TULP3: variants seen among roughly 807,000 people sequenced by gnomAD.
The protein encoded by TULP3 is tubby-related protein 3.
TULP3 carries 38 observed loss-of-function variants against 50.7 expected under a neutral mutation model. The observed-to-expected ratio is 0.75, with a 90% CI of 0.58 to 0.98. The LOEUF is 0.98. Among genes scored for constraint, TULP3 ranks in the 50% least tolerant of loss-of-function variants. The probability of loss-of-function intolerance (pLI) is 0.00; values close to 1 mark genes in which losing one functional copy is unlikely to be tolerated. For missense variants in TULP3, 550 were observed against 568.0 expected, an observed-to-expected ratio of 0.97 and a Z score of 0.32; for synonymous variants, 183 against 196.6, an observed-to-expected ratio of 0.93 and a Z score of 0.58.
intron 2 of TULP3, among the ~76,000 whole-genome samples, chr12:2,915,298 A>G (rs568497122): frequency 2.6e-5 from 4 of 151,552 alleles, no homozygotes; most frequent in Non-Finnish European, 5.9e-5. Flanking sequence ...CCCAGAATGG[A>G]TTTTCTGATT....
At chr12:2,891,283 G>A (rs1273133539) in intron 1 of TULP3, among the ~76,000 whole-genome samples, 3 of 152,178 alleles carry the variant, frequency 2.0e-5, no homozygotes, top group African/African-American at 7.2e-5. Context: ...GCCCCTCTGG[G>A]CCTCGGGTTT....
rs1232844187 is a variant in TULP3 at position 2,896,918 on chromosome 12, CA to C, written c.41+5931del. On this transcript the variant is annotated intron_variant, in intron 1 of 10. Transcript: ENST00000448120. ...TATATTTAATATAATTCCTGGCAGG[CA>C]GTATTAAATATTCACTAAGTAGAAC... 9.2e-5 allele frequency among the ~76,000 whole-genome samples: 14 copies of C among 152,238 alleles called. No homozygotes were observed. In the South Asian group the frequency reaches 2.9e-3, roughly 32 times the overall value.
Position 2,931,179 on chromosome 12 carries a change from G to A in TULP3, c.635G>A (p.Gly212Glu), listed in dbSNP as rs2098197834. ...TGTCGGATAATCCGGGATAAAAGGG[G>A]AATGGATCGGGGTCTCTTCCCCACC... ...VRCRIIRDKR[G>E]MDRGLFPTYY... Residue 212 changes from glycine to glutamate, a missense_variant, in exon 6 of 11, where the codon GGA becomes GAA. By Grantham distance (98) the Gly-to-Glu change is moderately conservative. Transcript: ENST00000448120. 6.2e-7 allele frequency: 1 copy of A among 1,614,206 alleles called. No individual in the cohort carries two copies. Among genetic ancestry groups the A allele is most frequent in the Non-Finnish European group, 8.5e-7 (1 of 1,180,038 alleles).
chr12:2,929,626 T>C (rs950432679), intron 4 of TULP3, among the ~76,000 whole-genome samples: 2 of 151,956 alleles, frequency 1.3e-5, no homozygotes, highest in Non-Finnish European at 2.9e-5. Flanking sequence ...ACAGAGTCTC[T>C]GTCTCCCAGG....
chr12:2,922,548 T>A, intron 4 of TULP3, 146 bp downstream of exon 4: 1 of 968,370 alleles, frequency 1.0e-6, no homozygotes, highest in South Asian at 1.9e-5. Flanking sequence ...TTAGCATCTT[T>A]TACATCTGAA....
intron 2 of TULP3, among the ~76,000 whole-genome samples, chr12:2,910,270 C>G (rs529383591): frequency 2.0e-4 from 26 of 132,168 alleles, no homozygotes; most frequent in Admixed American, 5.3e-4. Flanking sequence ...AGCAAGACTC[C>G]GTCTCAAAGA....
At chr12:2,937,200 ATTTTTTTTTTTTTT>A (rs771074689) in intron 8 of TULP3, among the ~76,000 whole-genome samples, 276 of 54,472 alleles carry the variant, frequency 5.1e-3, no homozygotes, top group Non-Finnish European at 7.5e-3. Flanking sequence ...GGTACACCTG[ATTTTTTTTTTTTTT>A]TTTTTTTTTT....
At chr12:2,932,376 C>G (rs931013484) in intron 6 of TULP3, among the ~76,000 whole-genome samples, 3 of 151,702 alleles carry the variant, frequency 2.0e-5, no homozygotes, top group Non-Finnish European at 2.9e-5. Context: ...GACATGAGCT[C>G]GAGACCAGCT....
chr12:2,937,797 TAC>T, intron 9 of TULP3, 68 bp downstream of exon 9: 4 of 928,184 alleles, frequency 4.3e-6, no homozygotes, highest in Non-Finnish European at 6.0e-6. Flanking sequence ...CAGAGATTAA[TAC>T]AAAAAAAAAA....
At chr12:2,922,068 GT>G (rs1263789857) in intron 3 of TULP3, among the ~76,000 whole-genome samples, 193 bp from the exon 4 acceptor site, 2 of 152,152 alleles carry the variant, frequency 1.3e-5, no homozygotes, top group African/African-American at 4.8e-5. Flanking sequence ...GGGTGACAGA[GT>G]GAGATCCTGT....
chr12:2,931,060 T>C lies in TULP3; in HGVS notation c.516T>C (p.Ala172=). Residue 172 remains alanine, a synonymous_variant, in exon 6 of 11, where the codon GCT becomes GCC. Coordinates refer to ENST00000448120, the MANE Select transcript of TULP3 (RefSeq NM_003324.5). ...AGGATACAGGCACTTCCGGTTCTGC[T>C]ACTGCCGCCCAACCAGCTGATAACC... The part of the protein sequence containing the change: ...NSTDTGTSGS[A]TAAQPADNLL... The C allele has an allele frequency of 6.2e-7, 1 of 1,614,156 alleles. No individual in the cohort carries two copies. Among genetic ancestry groups the C allele is most frequent in the Non-Finnish European group, 8.5e-7 (1 of 1,180,030 alleles).
chr12:2,908,085 T>C (rs1011183599), intron 1 of TULP3, among the ~76,000 whole-genome samples: 5 of 152,224 alleles, frequency 3.3e-5, no homozygotes, highest in African/African-American at 1.2e-4. Flanking sequence ...TGAGACAGCA[T>C]GCAAATTGAA....
intron 6 of TULP3, among the ~76,000 whole-genome samples, chr12:2,933,155 A>T (rs1180710667): frequency 2.0e-5 from 3 of 152,026 alleles, no homozygotes; most frequent in Admixed American, 6.6e-5. Context: ...GTTAGCCAGG[A>T]TGGTCTCGAT....
chr12:2,898,513 G>A (rs1318058291), intron 1 of TULP3, among the ~76,000 whole-genome samples: 1 of 152,010 alleles, frequency 6.6e-6, no homozygotes, highest in African/African-American at 2.4e-5. Flanking sequence ...TGGTTTTGTG[G>A]GCCATACAGT....
At chr12:2,930,121 C>A in intron 4 of TULP3, 127 bp from the exon 5 acceptor site, 1 of 653,612 alleles carries the variant, frequency 1.5e-6, no homozygotes, top group Non-Finnish European at 2.5e-6. Context: ...TGTATTTGGA[C>A]AAAATAGTTG....
rs1237411589 is a variant in TULP3 at position 2,899,892 on chromosome 12, CAAAAAAAAAACAAACA to C, written c.41+8919_41+8934del. 5.6e-5 allele frequency among the ~76,000 whole-genome samples: 3 copies of C among 53,598 alleles called. 1 individual carries two copies. Among genetic ancestry groups the C allele is most frequent in the Non-Finnish European group, 9.8e-5 (3 of 30,586 alleles). The allele number at this position is 53,598 out of a possible 152,430, so 35.2% of individuals were successfully genotyped here. A position where few individuals can be genotyped will look rare whatever the true frequency, so the allele number is the denominator to read the frequency against. ...TGGGCGACAGAGCGAGACTCCGTCT[CAAAAAAAAAACAAACA>C]AAAAAAAAAACAAAAAAAACTTGGA... is the stretch of plus-strand genomic sequence containing the variant. On this transcript the variant is annotated intron_variant, in intron 1 of 10. Transcript: ENST00000448120.
intron 2 of TULP3, among the ~76,000 whole-genome samples, chr12:2,915,284 C>G (rs1220387655): frequency 6.6e-6 from 1 of 152,130 alleles, no homozygotes; most frequent in Non-Finnish European, 1.5e-5. Context: ...GCCACTGCGC[C>G]CAGCCCAGAA....
At chr12:2,911,391 C>T (rs926206457) in intron 2 of TULP3, among the ~76,000 whole-genome samples, 49 of 150,720 alleles carry the variant, frequency 3.3e-4, no homozygotes, top group Non-Finnish European at 6.0e-4. Context: ...CTCACTCTGT[C>T]GCCCAGACTG....
intron 4 of TULP3, among the ~76,000 whole-genome samples, chr12:2,927,478 T>C (rs1468748554): frequency 6.7e-6 from 1 of 149,692 alleles, no homozygotes; most frequent in South Asian, 2.1e-4. Flanking sequence ...GGGATTCTCT[T>C]GCCTCAGCCT....
Sources: gnomAD v4.1 joint callset for allele counts (sites outside exome capture counted in the v4.1 genomes callset) on GRCh38, gnomAD v4.1.1 for gene constraint, MANE v1.5 for transcripts, NCBI Gene and HGNC (gene_info 2026-07-23, HGNC 2026-07-21) for gene names.